The following PARN variants were observed in gnomAD, a reference collection of about 807,000 sequenced individuals.
PARN encodes the protein poly(A)-specific ribonuclease, also known as poly(A)-specific ribonuclease PARN.
PARN carries 71 observed loss-of-function variants against 102.8 expected under a neutral mutation model. That is an observed-to-expected ratio of 0.69 (90% CI 0.57 to 0.84). The LOEUF (loss-of-function observed/expected upper bound fraction) is 0.84. Among genes scored for constraint, PARN ranks in the 40% least tolerant of loss-of-function variants. The probability of loss-of-function intolerance (pLI) is 0.00; values close to 1 mark genes in which losing one functional copy is unlikely to be tolerated. For missense variants in PARN, 782 were observed against 760.9 expected (o/e 1.03, Z -0.33); for synonymous variants, 261 against 252.9 (o/e 1.03, Z -0.30).
chr16:14,550,448 A>G (rs753254914), intron 21 of PARN, among the ~76,000 whole-genome samples: 1 of 152,162 alleles, frequency 6.6e-6, no homozygotes, highest in Non-Finnish European at 1.5e-5. Context: ...CAATAACACT[A>G]AAGTCCATAC....
intron 10 of PARN, among the ~76,000 whole-genome samples, chr16:14,605,545 A>G (rs1971127788): frequency 6.6e-6 from 1 of 152,228 alleles, no homozygotes; most frequent in Non-Finnish European, 1.5e-5. Flanking sequence ...TTGTATTACC[A>G]TAAGAAAAAA....
At chr16:14,586,684 T>C (rs1969878571) in intron 13 of PARN, among the ~76,000 whole-genome samples, 1 of 152,118 alleles carries the variant, frequency 6.6e-6, no homozygotes, top group Non-Finnish European at 1.5e-5. Context: ...AGGCCTGTAA[T>C]AAAAGCAGAA....
chr16:14,455,509 T>C (rs1441569734), intron 22 of PARN, among the ~76,000 whole-genome samples: 2 of 152,204 alleles, frequency 1.3e-5, no homozygotes, highest in Non-Finnish European at 2.9e-5. Context: ...CCAGTGAACA[T>C]TATTGGATTC....
At chr16:14,521,446 C>T (rs1475614302) in intron 21 of PARN, among the ~76,000 whole-genome samples, 1 of 152,264 alleles carries the variant, frequency 6.6e-6, no homozygotes, top group South Asian at 2.1e-4. Context: ...AGCCACTCCA[C>T]TGAACATCAG....
chr16:14,523,017 A>G (rs1965818066), intron 21 of PARN, among the ~76,000 whole-genome samples: 1 of 152,206 alleles, frequency 6.6e-6, no homozygotes, highest in African/African-American at 2.4e-5. Flanking sequence ...CCTACTCACA[A>G]AGCAACTCAG....
intron 12 of PARN, among the ~76,000 whole-genome samples, chr16:14,596,811 G>A (rs556337258): frequency 1.3e-5 from 2 of 149,150 alleles, no homozygotes; most frequent in South Asian, 2.1e-4. Flanking sequence ...TTTCGAGACA[G>A]GGTCTCAACT....
At chr16:14,539,255 C>T (rs988882534) in intron 21 of PARN, among the ~76,000 whole-genome samples, 1 of 152,166 alleles carries the variant, frequency 6.6e-6, no homozygotes, top group African/African-American at 2.4e-5. Flanking sequence ...GGATAAGAAA[C>T]AATGTAACAG....
chr16:14,567,691 G>A (rs1968513814), intron 18 of PARN, among the ~76,000 whole-genome samples: 1 of 152,158 alleles, frequency 6.6e-6, no homozygotes, highest in Non-Finnish European at 1.5e-5. Flanking sequence ...CCTGACCTCG[G>A]TTCTGGCATC....
At chr16:14,458,597 C>A (rs963858532) in intron 22 of PARN, among the ~76,000 whole-genome samples, 2 of 152,154 alleles carry the variant, frequency 1.3e-5, no homozygotes, top group African/African-American at 4.8e-5. Context: ...TGGCAAAGAG[C>A]TCTGCATAGA....
intron 23 of PARN, among the ~76,000 whole-genome samples, chr16:14,440,852 G>T (rs1448741701): frequency 6.6e-6 from 1 of 152,192 alleles, no homozygotes; most frequent in Non-Finnish European, 1.5e-5. Flanking sequence ...ATCTGTGTGG[G>T]GGTTGGGGGA....
chr16:14,513,974 T>G (rs916675217), intron 21 of PARN, among the ~76,000 whole-genome samples: 2 of 152,150 alleles, frequency 1.3e-5, no homozygotes, highest in Non-Finnish European at 2.9e-5. Flanking sequence ...CCGGCACACA[T>G]GCATTAATTC....
chr16:14,604,341 A>G, intron 10 of PARN, 115 bp from the exon 11 acceptor site: 1 of 649,694 alleles, frequency 1.5e-6, no homozygotes, highest in South Asian at 1.9e-5. Context: ...GCTCACTGCA[A>G]ACTCCGCCTC....
intron 21 of PARN, among the ~76,000 whole-genome samples, chr16:14,549,139 C>T (rs1326618881): frequency 6.6e-6 from 1 of 152,090 alleles, no homozygotes; most frequent in African/African-American, 2.4e-5. Context: ...GAAATGTTGT[C>T]AGAGGCACAG....
At chr16:14,438,447 G>GTT (rs1227082116) in intron 23 of PARN, among the ~76,000 whole-genome samples, 1 of 150,404 alleles carries the variant, frequency 6.6e-6, no homozygotes, top group Non-Finnish European at 1.5e-5. Context: ...TAGTTGGGGG[G>GTT]GGGGGTGTGT....
chr16:14,571,611 C>A (rs1968818703), intron 18 of PARN, among the ~76,000 whole-genome samples: 1 of 152,138 alleles, frequency 6.6e-6, no homozygotes, highest in African/African-American at 2.4e-5. Flanking sequence ...AACCAACAGC[C>A]CTCCTTCTGT....
At chr16:14,562,698 C>G (rs919156059) in intron 18 of PARN, among the ~76,000 whole-genome samples, 1 of 150,874 alleles carries the variant, frequency 6.6e-6, no homozygotes, top group African/African-American at 2.4e-5. Context: ...AACTCATTAG[C>G]AAAAGTCTAA....
chr16:14,482,523 T>G lies in PARN; in HGVS notation c.1670+115A>C. 4 of 761,088 alleles carry G rather than the reference T, an allele frequency of 5.3e-6. No individual in the cohort carries two copies. The South Asian group carries it at 8.0e-5, about 15-fold the overall frequency. The allele number at this position is 761,088 out of a possible 1,614,324, so 47.1% of individuals were successfully genotyped here. On this transcript the variant is annotated intron_variant, in intron 22 of 23. Transcript: ENST00000437198. ...GTCACTTCTGATATGATGTGAAAAG[T>G]TGAAAGGCCATCTTTCCCAAAAGTC...
At chr16:14,446,130 C>T (rs1428105843) in intron 23 of PARN, among the ~76,000 whole-genome samples, 1 of 152,238 alleles carries the variant, frequency 6.6e-6, no homozygotes, top group Non-Finnish European at 1.5e-5. Flanking sequence ...CATGTGCTGA[C>T]TGACAAGATG....
intron 22 of PARN, among the ~76,000 whole-genome samples, chr16:14,479,473 G>A (rs1237866644): frequency 2.7e-5 from 4 of 149,110 alleles, no homozygotes; most frequent in East Asian, 2.0e-4. Flanking sequence ...ATACAAGATC[G>A]CCACAGTAAA....
Sources: allele counts gnomAD v4.1 joint callset (sites outside exome capture counted in the v4.1 genomes callset), GRCh38; gene constraint gnomAD v4.1.1; transcripts MANE v1.5; gene names NCBI Gene and HGNC (gene_info 2026-07-23, HGNC 2026-07-21).